The following KIAA1217 variants were observed in gnomAD, a reference collection of about 807,000 sequenced individuals.
KIAA1217 encodes the protein sickle tail protein homolog.
Under a neutral mutation model 163.9 loss-of-function variants are expected in KIAA1217, and 88 were observed. The ratio of observed to expected loss-of-function variants is 0.54; its 90% CI spans 0.45 to 0.64. KIAA1217 has a LOEUF of 0.64. Among genes scored for constraint, KIAA1217 ranks in the 30% least tolerant of loss-of-function variants. The probability of loss-of-function intolerance (pLI) is 0.00; values close to 1 mark genes in which losing one functional copy is unlikely to be tolerated. For synonymous variants in KIAA1217, 903 were observed against 923.1 expected, an observed-to-expected ratio of 0.98 and a Z score of 0.39; for missense variants, 2,372 against 2,475.0, an observed-to-expected ratio of 0.96 and a Z score of 0.88.
chr10:24,287,931 C>G (rs2078710045), intron 2 of KIAA1217, among the ~76,000 whole-genome samples: 1 of 152,186 alleles, frequency 6.6e-6, no homozygotes, highest in African/African-American at 2.4e-5. Flanking sequence ...ATTGTTCACT[C>G]TGGCCTTTAG....
At chr10:23,753,136 A>T (rs1156800499) in intron 1 of KIAA1217, among the ~76,000 whole-genome samples, 1 of 152,212 alleles carries the variant, frequency 6.6e-6, no homozygotes, top group African/African-American at 2.4e-5. Flanking sequence ...GCCTACTTGC[A>T]AAAAGATTTC....
chr10:23,987,418 T>TAA (rs200311407), intron 1 of KIAA1217, among the ~76,000 whole-genome samples: 2 of 142,852 alleles, frequency 1.4e-5, no homozygotes, highest in Middle Eastern at 3.4e-3. Flanking sequence ...TTTGTTTTTT[T>TAA]AAAAAAAAAC....
At chr10:24,343,187 AT>A (rs2047319225) in intron 2 of KIAA1217, among the ~76,000 whole-genome samples, 1 of 152,152 alleles carries the variant, frequency 6.6e-6, no homozygotes, top group African/African-American at 2.4e-5. Context: ...GGTAGAATTG[AT>A]TGTTCAAAAT....
chr10:24,514,298 G>A (rs1484187174), intron 10 of KIAA1217, among the ~76,000 whole-genome samples: 3 of 152,174 alleles, frequency 2.0e-5, no homozygotes, highest in Non-Finnish European at 4.4e-5. Context: ...AATGGGGATT[G>A]TAAGGGAGCA....
At chr10:24,170,637 G>T (rs1329281456) in intron 2 of KIAA1217, among the ~76,000 whole-genome samples, 2 of 152,178 alleles carry the variant, frequency 1.3e-5, no homozygotes, top group Non-Finnish European at 2.9e-5. Context: ...GACCCTCACT[G>T]CTTCTGACGC....
intron 2 of KIAA1217, among the ~76,000 whole-genome samples, chr10:24,263,569 A>G (rs1159661267): frequency 2.0e-5 from 3 of 152,112 alleles, no homozygotes; most frequent in Admixed American, 2.0e-4. Flanking sequence ...TAACCTCTCA[A>G]TGCCTTGTTT....
At chr10:24,517,779 G>A (rs2070428156) in intron 10 of KIAA1217, among the ~76,000 whole-genome samples, 1 of 152,166 alleles carries the variant, frequency 6.6e-6, no homozygotes, top group Non-Finnish European at 1.5e-5. Context: ...TAGATCACTT[G>A]AGGTCAGGAG....
intron 2 of KIAA1217, among the ~76,000 whole-genome samples, chr10:24,247,025 A>C (rs2073884991): frequency 1.2e-5 from 1 of 86,108 alleles, no homozygotes; most frequent in Non-Finnish European, 3.2e-5. Context: ...AAAAAAAAAC[A>C]ACCATATATT....
intron 2 of KIAA1217, among the ~76,000 whole-genome samples, chr10:24,037,795 T>A (rs1000822049): frequency 6.6e-6 from 1 of 152,256 alleles, no homozygotes; most frequent in African/African-American, 2.4e-5. Context: ...GGCTACTTCC[T>A]TATTTTTGGA....
At chr10:24,147,019 A>C (rs1003109859) in intron 2 of KIAA1217, among the ~76,000 whole-genome samples, 2 of 151,722 alleles carry the variant, frequency 1.3e-5, no homozygotes, top group Non-Finnish European at 2.9e-5. Flanking sequence ...AAAAAAAAAA[A>C]AAAAAAAAAA....
At chr10:24,360,274 C>T (rs2049793276) in intron 2 of KIAA1217, among the ~76,000 whole-genome samples, 1 of 152,036 alleles carries the variant, frequency 6.6e-6, no homozygotes, top group African/African-American at 2.4e-5. Flanking sequence ...TCTTGAACTC[C>T]TGACCTCAAG....
chr10:24,536,670 G>T, intron 16 of KIAA1217, 104 bp from the exon 17 acceptor site: 1 of 1,226,244 alleles, frequency 8.2e-7, no homozygotes, highest in Non-Finnish European at 1.2e-6. Context: ...CTGCGTGCAG[G>T]ACCCGGGTTG....
intron 1 of KIAA1217, among the ~76,000 whole-genome samples, chr10:23,795,318 C>T (rs1241021348): frequency 6.6e-6 from 1 of 152,182 alleles, no homozygotes; most frequent in Non-Finnish European, 1.5e-5. Context: ...AGCTTCCACC[C>T]TTGGTGCTTA....
intron 2 of KIAA1217, among the ~76,000 whole-genome samples, chr10:24,240,221 G>C (rs1197128636): frequency 1.3e-5 from 2 of 152,184 alleles, no homozygotes; most frequent in Non-Finnish European, 2.9e-5. Context: ...GTTGCCCTGT[G>C]AGTAGTTAGT....
intron 1 of KIAA1217, among the ~76,000 whole-genome samples, chr10:23,745,952 C>CT (rs1839389439): frequency 6.6e-6 from 1 of 152,180 alleles, no homozygotes; most frequent in African/African-American, 2.4e-5. Flanking sequence ...ATTTTATGCC[C>CT]TTTACAAACA....
At chr10:24,027,271 C>T (rs1272082161) in intron 2 of KIAA1217, among the ~76,000 whole-genome samples, 1 of 152,074 alleles carries the variant, frequency 6.6e-6, no homozygotes, top group Non-Finnish European at 1.5e-5. Context: ...GGAAACTCTT[C>T]AGATGGTGAC....
At chr10:23,905,666 A>G (rs1202814558) in intron 1 of KIAA1217, among the ~76,000 whole-genome samples, 2 of 152,122 alleles carry the variant, frequency 1.3e-5, no homozygotes, top group Non-Finnish European at 2.9e-5. Flanking sequence ...GTTTGCACCC[A>G]TAGCTAGAAA....
At chr10:23,733,962 C>G (rs1359948142) in intron 1 of KIAA1217, among the ~76,000 whole-genome samples, 2 of 152,010 alleles carry the variant, frequency 1.3e-5, no homozygotes, top group Non-Finnish European at 2.9e-5. Flanking sequence ...TCTATATATT[C>G]CTGATTGTTC....
At chr10:23,784,530 CTTT>C (rs1455464483) in intron 1 of KIAA1217, among the ~76,000 whole-genome samples, 1 of 151,686 alleles carries the variant, frequency 6.6e-6, no homozygotes, top group Non-Finnish European at 1.5e-5. Context: ...ATCCTTTGTT[CTTT>C]ATTTCCTTTC....
Sources: allele counts gnomAD v4.1 joint callset (sites outside exome capture counted in the v4.1 genomes callset), GRCh38; gene constraint gnomAD v4.1.1; transcripts MANE v1.5; gene names NCBI Gene and HGNC (gene_info 2026-07-23, HGNC 2026-07-21).